The following TNIK variants were observed in gnomAD, a reference collection of about 807,000 sequenced individuals.
TNIK encodes TRAF2 and NCK-interacting protein kinase.
TNIK carries 49 observed loss-of-function variants against 191.3 expected under a neutral mutation model. The observed-to-expected ratio is 0.26, with a 90% CI of 0.20 to 0.32. The LOEUF (loss-of-function observed/expected upper bound fraction) is 0.32, where lower values mean the gene tolerates loss of function less well. TNIK is among the 10% of genes least tolerant of loss of function. The pLI is 1.00. For missense variants in TNIK, 1,155 were observed against 1,702.3 expected, an observed-to-expected ratio of 0.68 and a Z score of 5.66; for synonymous variants, 594 against 600.9, an observed-to-expected ratio of 0.99 and a Z score of 0.17.
rs974921884 is a variant in TNIK at position 171,377,413 on chromosome 3, C to T, written c.58-7728G>A. Among the ~76,000 whole-genome samples, 8 of 152,220 alleles carry T rather than the reference C, an allele frequency of 5.3e-5. No individual in the cohort carries two copies. In the South Asian group the frequency reaches 1.2e-3, roughly 24 times the overall value. On this transcript the variant is annotated intron_variant, in intron 1 of 32. Coordinates refer to ENST00000436636, the MANE Select transcript of TNIK (RefSeq NM_015028.4). The stretch of plus-strand genomic sequence containing the variant: ...AGCTGCTTCACTCAAGACCCTGCAG[C>T]TCCAGCCTGTCCTCACAAAGTCGGC...
intron 2 of TNIK, among the ~76,000 whole-genome samples, chr3:171,278,398 C>T (rs919347545): frequency 7.2e-5 from 11 of 152,110 alleles, no homozygotes; most frequent in African/African-American, 2.7e-4. Flanking sequence ...AGCTTATCAA[C>T]ATCAACATAA....
At chr3:171,422,995 C>T (rs574625102) in intron 1 of TNIK, among the ~76,000 whole-genome samples, 89 of 152,258 alleles carry the variant, frequency 5.8e-4, no homozygotes, top group African/African-American at 2.0e-3. Flanking sequence ...CCTTCCATGG[C>T]TAAAATTACA....
At chr3:171,427,462 C>T (rs1162343061) in intron 1 of TNIK, among the ~76,000 whole-genome samples, 2 of 152,062 alleles carry the variant, frequency 1.3e-5, no homozygotes, top group Admixed American at 1.3e-4. Flanking sequence ...GCTTATTAAC[C>T]ATGTGCCCAA....
chr3:171,302,209 T>A (rs1752962664), intron 2 of TNIK, among the ~76,000 whole-genome samples: 2 of 152,174 alleles, frequency 1.3e-5, no homozygotes, highest in Admixed American at 1.3e-4. Context: ...ATGAAGCCTG[T>A]GTTCTTGGCC....
chr3:171,383,769 G>A (rs959886224), intron 1 of TNIK, among the ~76,000 whole-genome samples: 2 of 152,130 alleles, frequency 1.3e-5, no homozygotes, highest in Non-Finnish European at 2.9e-5. Flanking sequence ...TGGCGTTTCA[G>A]CCAGGCCACA....
At chr3:171,082,422 T>G in intron 26 of TNIK, 28 bp from the exon 27 acceptor site, 1 of 1,598,100 alleles carries the variant, frequency 6.3e-7, no homozygotes, top group Non-Finnish European at 8.5e-7. Flanking sequence ...ACCCTAAGAC[T>G]GACTTTTCAT....
chr3:171,427,558 C>T (rs967318340), intron 1 of TNIK, among the ~76,000 whole-genome samples: 1 of 152,186 alleles, frequency 6.6e-6, no homozygotes. Flanking sequence ...CATATTAAAG[C>T]ACCTGCCACA....
At chr3:171,239,805 A>G (rs9876203) in intron 2 of TNIK, among the ~76,000 whole-genome samples, 3,897 of 152,290 alleles carry the variant, frequency 0.026, 160 homozygotes, top group African/African-American at 0.087. Context: ...TTGTCAGCAA[A>G]CACATCCATC....
At chr3:171,445,227 C>T (rs1045398163) in intron 1 of TNIK, among the ~76,000 whole-genome samples, 2 of 151,834 alleles carry the variant, frequency 1.3e-5, no homozygotes, top group African/African-American at 4.8e-5. Context: ...CTTAGGAATC[C>T]GAGATCACGT....
intron 28 of TNIK, among the ~76,000 whole-genome samples, chr3:171,073,051 C>T (rs1719408608): frequency 6.6e-6 from 1 of 151,984 alleles, no homozygotes; most frequent in Non-Finnish European, 1.5e-5. Context: ...AAAGACAATT[C>T]TAAAATTCAT....
chr3:171,211,631 T>C (rs545723879), intron 3 of TNIK, among the ~76,000 whole-genome samples: 1 of 152,316 alleles, frequency 6.6e-6, no homozygotes, highest in East Asian at 1.9e-4. Flanking sequence ...AAATGAAAGA[T>C]ATTAAAACCG....
intron 3 of TNIK, among the ~76,000 whole-genome samples, chr3:171,219,049 T>C (rs2108947459): frequency 7.9e-6 from 1 of 127,132 alleles, no homozygotes; most frequent in East Asian, 2.0e-4. Context: ...TTAAATTATA[T>C]TTAATATAAT....
At chr3:171,092,394 T>C (rs887918968) in intron 23 of TNIK, among the ~76,000 whole-genome samples, 1 of 152,180 alleles carries the variant, frequency 6.6e-6, no homozygotes, top group Admixed American at 6.5e-5. Flanking sequence ...TCATAAAGAC[T>C]CAAGCAAATT....
chr3:171,369,912 T>C (rs993079674), intron 1 of TNIK, among the ~76,000 whole-genome samples: 6 of 152,200 alleles, frequency 3.9e-5, no homozygotes, highest in African/African-American at 1.4e-4. Context: ...ATGAAATGTG[T>C]TTAAATCAGG....
At chr3:171,274,957 C>A (rs1749548748) in intron 2 of TNIK, among the ~76,000 whole-genome samples, 1 of 152,172 alleles carries the variant, frequency 6.6e-6, no homozygotes, top group Non-Finnish European at 1.5e-5. Flanking sequence ...AGAGAATGAG[C>A]ATGAGCTGTG....
chr3:171,433,607 C>A (rs149231372), intron 1 of TNIK, among the ~76,000 whole-genome samples: 2 of 152,138 alleles, frequency 1.3e-5, no homozygotes, highest in East Asian at 1.9e-4. Context: ...TGCACATACA[C>A]GTGTGCAACA....
At position 171,059,260 on chromosome 3, in the gene TNIK, C is replaced by T. The variant is rs1434642751; in HGVS notation, c.*4621G>A. Among the ~76,000 whole-genome samples, 3 of 152,156 alleles carry T rather than the reference C, an allele frequency of 2.0e-5. No homozygotes were observed. The highest frequency in any genetic ancestry group is 2.0e-4 in the Admixed American group (3 of 15,276). ...TCATCCAAACATTTGTCATCATGGA[C>T]TCAGAAGAATCCAAGATTTTGATCT... On this transcript the variant is annotated 3_prime_UTR_variant, in exon 33 of 33. Coordinates refer to ENST00000436636, the MANE Select transcript of TNIK (RefSeq NM_015028.4).
intron 4 of TNIK, among the ~76,000 whole-genome samples, chr3:171,200,595 A>G (rs1471224642): frequency 6.6e-6 from 1 of 152,160 alleles, no homozygotes; most frequent in Non-Finnish European, 1.5e-5. Flanking sequence ...ATTTAAGTAA[A>G]GGGTCCTCAG....
At chr3:171,155,577 C>T (rs1375438813) in intron 12 of TNIK, among the ~76,000 whole-genome samples, 1 of 152,196 alleles carries the variant, frequency 6.6e-6, no homozygotes, top group African/African-American at 2.4e-5. Context: ...GTGTCTCTGG[C>T]TGCACATGCC....
Sources: gnomAD v4.1 joint callset for allele counts (sites outside exome capture counted in the v4.1 genomes callset) on GRCh38, gnomAD v4.1.1 for gene constraint, MANE v1.5 for transcripts, NCBI Gene and HGNC (gene_info 2026-07-23, HGNC 2026-07-21) for gene names.